NPAS3: variants seen among roughly 807,000 people sequenced by gnomAD.
NPAS3 encodes the protein neuronal PAS domain protein 3.
NPAS3 carries 14 observed loss-of-function variants against 73.1 expected under a neutral mutation model. The observed-to-expected ratio is 0.19, with a 90% CI of 0.13 to 0.30. The LOEUF (loss-of-function observed/expected upper bound fraction) is 0.30. NPAS3 is among the 10% of genes least tolerant of loss of function. The pLI, the probability that NPAS3 is intolerant of heterozygous loss-of-function variation, is 1.00. For missense variants in NPAS3, 1,096 were observed against 1,250.0 expected (o/e 0.88, Z 1.86); for synonymous variants, 620 against 541.5 (o/e 1.14, Z -2.01).
At chr14:33,636,880 CAGG>C (rs2058533801) in intron 5 of NPAS3, among the ~76,000 whole-genome samples, 1 of 149,968 alleles carries the variant, frequency 6.7e-6, no homozygotes, top group South Asian at 2.1e-4. Flanking sequence ...AAGCTGTCAG[CAGG>C]AGGAGGACAC....
intron 9 of NPAS3, among the ~76,000 whole-genome samples, chr14:33,788,045 C>A (rs1448621354): frequency 6.6e-6 from 1 of 152,182 alleles, no homozygotes; most frequent in African/African-American, 2.4e-5. Flanking sequence ...GGTGGAGAAG[C>A]AGAGATTAAA....
chr14:33,763,064 C>T (rs964269635), intron 7 of NPAS3, among the ~76,000 whole-genome samples: 1 of 152,070 alleles, frequency 6.6e-6, no homozygotes, highest in Non-Finnish European at 1.5e-5. Context: ...ACTAACTGGC[C>T]CTGCATCCTC....
At chr14:33,170,475 A>C (rs1255827628) in intron 2 of NPAS3, among the ~76,000 whole-genome samples, 1 of 152,180 alleles carries the variant, frequency 6.6e-6, no homozygotes, top group Non-Finnish European at 1.5e-5. Flanking sequence ...GACAATGATG[A>C]AGTGTTCCCC....
intron 3 of NPAS3, among the ~76,000 whole-genome samples, chr14:33,366,532 C>T (rs2045854671): frequency 6.6e-6 from 1 of 152,112 alleles, no homozygotes; most frequent in Non-Finnish European, 1.5e-5. Flanking sequence ...AGTCACTGAC[C>T]TGGTGAGGCA....
chr14:33,400,391 C>G (rs2047397286), intron 4 of NPAS3, among the ~76,000 whole-genome samples: 1 of 152,096 alleles, frequency 6.6e-6, no homozygotes, highest in Non-Finnish European at 1.5e-5. Context: ...AAATTTAAGT[C>G]AAGTTCTGAC....
At chr14:33,301,318 ATATATT>A (rs1231141990) in intron 3 of NPAS3, among the ~76,000 whole-genome samples, 9 of 97,126 alleles carry the variant, frequency 9.3e-5, no homozygotes, top group Non-Finnish European at 1.4e-4. Context: ...ATATATATAT[ATATATT>A]TTTTTTTTTT....
intron 6 of NPAS3, among the ~76,000 whole-genome samples, chr14:33,687,129 C>T (rs902508167): frequency 2.0e-5 from 3 of 152,096 alleles, no homozygotes; most frequent in African/African-American, 7.2e-5. Flanking sequence ...CAGTCTGTAG[C>T]CAGGAGCTAA....
chr14:33,095,462 C>T (rs1595437528), intron 2 of NPAS3, among the ~76,000 whole-genome samples: 1 of 152,082 alleles, frequency 6.6e-6, no homozygotes, highest in South Asian at 2.1e-4. Flanking sequence ...GTGCGATGAA[C>T]GCCTTTTCTC....
intron 1 of NPAS3, among the ~76,000 whole-genome samples, chr14:32,997,866 T>C (rs528297595): frequency 2.5e-4 from 38 of 152,294 alleles, no homozygotes; most frequent in African/African-American, 8.2e-4. Context: ...TAAACCTCTT[T>C]CCTTTGTAAA....
At chr14:33,070,995 T>C (rs746375660) in intron 2 of NPAS3, among the ~76,000 whole-genome samples, 1 of 152,214 alleles carries the variant, frequency 6.6e-6, no homozygotes, top group African/African-American at 2.4e-5. Flanking sequence ...AAATTTTTGC[T>C]CTTATTAGTA....
chr14:33,743,695 C>CA lies in NPAS3; in HGVS notation c.852+8363_852+8364insA, dbSNP rs1332883444. 4.6e-5 allele frequency among the ~76,000 whole-genome samples: 7 copies of CA among 152,224 alleles called. No individual in the cohort carries two copies. In the East Asian group the frequency reaches 1.3e-3, roughly 29 times the overall value. On this transcript the variant is annotated intron_variant, in intron 7 of 11. Coordinates refer to ENST00000356141, the Ensembl canonical transcript of NPAS3. ...TAGCTATGAAAATCCTAGATGGCATCTTCTTCCAACAGAAGGCTGTTTTGT... is the reference window on the plus strand; with the variant it reads ...TAGCTATGAAAATCCTAGATGGCATCATTCTTCCAACAGAAGGCTGTTTTGT...
downstream of NPAS3, chr14:33,802,308 G>A (rs1724997207): frequency 7.6e-6 from 1 of 131,150 alleles, no homozygotes; most frequent in Non-Finnish European, 1.6e-5. Flanking sequence ...AAACCAATAA[G>A]TTTTAAAACT....
Position 33,657,899 on chromosome 14 carries a change from G to C in NPAS3, c.559-18312G>C, listed in dbSNP as rs111919264. Among the ~76,000 whole-genome samples the C allele has an allele frequency of 3.9e-4, 60 of 152,174 alleles. 1 individual carries two copies. Among genetic ancestry groups the C allele is most frequent in the Non-Finnish European group, 7.2e-4 (49 of 68,026 alleles). On this transcript the variant is annotated intron_variant, in intron 5 of 11. Coordinates refer to ENST00000356141, the Ensembl canonical transcript of NPAS3. ...GGATGTCAAATTGACTGCAGGAAGC[G>C]ATAGAAATGCCAACTCTTCCAAGTA...
intron 2 of NPAS3, among the ~76,000 whole-genome samples, chr14:33,144,019 A>G (rs1302304402): frequency 6.6e-6 from 1 of 152,188 alleles, no homozygotes; most frequent in Non-Finnish European, 1.5e-5. Flanking sequence ...TGCAGTAAAC[A>G]TTTGGGCACA....
rs574022704 is a variant in NPAS3, at chr14:33,747,476, A to G, written c.852+12144A>G. Among the ~76,000 whole-genome samples, 7 of 152,250 alleles carry G rather than the reference A, an allele frequency of 4.6e-5. No individual in the cohort carries two copies. In the South Asian group the frequency reaches 1.5e-3, roughly 32 times the overall value. ...TTTTATCTGTCCCATCCCTCTAGGG[A>G]TGCCCCCCATCCCACCATCAAATGA... On this transcript the variant is annotated intron_variant, in intron 7 of 11. Coordinates refer to ENST00000356141, the Ensembl canonical transcript of NPAS3.
At chr14:32,978,688 G>A (rs1429262597) in intron 1 of NPAS3, among the ~76,000 whole-genome samples, 4 of 152,074 alleles carry the variant, frequency 2.6e-5, no homozygotes, top group African/African-American at 9.7e-5. Flanking sequence ...TCAGTCCTTT[G>A]ATCCAAGATT....
intron 1 of NPAS3, among the ~76,000 whole-genome samples, chr14:32,939,623 C>CAA (rs752795909): frequency 0.2 from 22,342 of 110,118 alleles, 3,195 homozygotes; most frequent in African/African-American, 0.38. Flanking sequence ...GACTCACTGA[C>CAA]AAAAAAAAAA....
At chr14:33,052,982 T>TAAAAA (rs1045232189) in intron 1 of NPAS3, among the ~76,000 whole-genome samples, 2 of 152,076 alleles carry the variant, frequency 1.3e-5, no homozygotes, top group Non-Finnish European at 2.9e-5. Flanking sequence ...GGCAATTGTT[T>TAAAAA]AAAAAAAATT....
intron 2 of NPAS3, among the ~76,000 whole-genome samples, chr14:33,121,399 C>A (rs546975490): frequency 6.6e-6 from 1 of 152,214 alleles, no homozygotes; most frequent in African/African-American, 2.4e-5. Context: ...GCACTCATGA[C>A]ACTATATTTT....
Sources: gnomAD v4.1 joint callset for allele counts (sites outside exome capture counted in the v4.1 genomes callset) on GRCh38, gnomAD v4.1.1 for gene constraint, MANE v1.5 for transcripts, NCBI Gene and HGNC (gene_info 2026-07-23, HGNC 2026-07-21) for gene names.